The following PTPRT variants were observed in gnomAD, a reference collection of about 807,000 sequenced individuals.
PTPRT encodes protein tyrosine phosphatase receptor type T, also known as receptor-type tyrosine-protein phosphatase T.
PTPRT carries 56 observed loss-of-function variants against 176.8 expected under a neutral mutation model. The ratio of observed to expected loss-of-function variants is 0.32; its 90% confidence interval spans 0.26 to 0.40. The LOEUF is 0.40. PTPRT is among the 10% of genes least tolerant of loss of function. The pLI, the probability that PTPRT is intolerant of heterozygous loss-of-function variation, is 1.00. For synonymous variants in PTPRT, 783 were observed against 739.0 expected, an observed-to-expected ratio of 1.06 and a Z score of -0.96; for missense variants, 1,540 against 1,908.2, an observed-to-expected ratio of 0.81 and a Z score of 3.60.
intron 1 of PTPRT, among the ~76,000 whole-genome samples, chr20:43,071,490 A>G (rs1402482792): frequency 6.6e-6 from 1 of 152,150 alleles, no homozygotes; most frequent in East Asian, 1.9e-4. Context: ...CCAGTTCAAG[A>G]CAGGAAAGTT....
chr20:42,267,245 A>G (rs2056854853), intron 13 of PTPRT, among the ~76,000 whole-genome samples: 1 of 152,204 alleles, frequency 6.6e-6, no homozygotes, highest in East Asian at 1.9e-4. Context: ...ATTTTGCCCA[A>G]CTTCAGGCTA....
intron 1 of PTPRT, among the ~76,000 whole-genome samples, chr20:42,914,922 G>A (rs772859049): frequency 1.3e-5 from 2 of 151,678 alleles, no homozygotes; most frequent in Non-Finnish European, 2.9e-5. Flanking sequence ...CAATCTGTGT[G>A]AGGCAGGGGC....
intron 7 of PTPRT, among the ~76,000 whole-genome samples, chr20:42,599,151 G>T (rs1369409583): frequency 6.6e-6 from 1 of 152,144 alleles, no homozygotes; most frequent in Non-Finnish European, 1.5e-5. Context: ...AGGGAATAAT[G>T]GGAGTAAGTG....
At chr20:42,608,412 A>C (rs1398362117) in intron 7 of PTPRT, among the ~76,000 whole-genome samples, 1 of 152,216 alleles carries the variant, frequency 6.6e-6, no homozygotes, top group Non-Finnish European at 1.5e-5. Context: ...GAAAAGCACC[A>C]AAATCCCTCC....
At chr20:42,892,611 A>C (rs909895648) in intron 1 of PTPRT, among the ~76,000 whole-genome samples, 8 of 152,202 alleles carry the variant, frequency 5.3e-5, no homozygotes, top group South Asian at 2.1e-4. Flanking sequence ...CTGGAGATTA[A>C]GGTGATCTGC....
intron 2 of PTPRT, among the ~76,000 whole-genome samples, chr20:42,791,806 C>T (rs1480668836): frequency 7.9e-5 from 12 of 152,190 alleles, no homozygotes; most frequent in Non-Finnish European, 1.8e-4. Context: ...AAAAAGTTTC[C>T]TTGTAGGACG....
intron 7 of PTPRT, chr20:42,607,477 T>A (rs1164684171): frequency 2.0e-5 from 3 of 152,168 alleles, no homozygotes; most frequent in African/African-American, 7.2e-5. Context: ...GAATGACCAC[T>A]GGGACTGCAC....
chr20:42,621,932 C>T (rs2074204836), intron 7 of PTPRT, among the ~76,000 whole-genome samples: 1 of 152,004 alleles, frequency 6.6e-6, no homozygotes, highest in African/African-American at 2.4e-5. Flanking sequence ...ACCCCTTTGG[C>T]AGGGTTAAGA....
chr20:42,032,046 T>C, the PTPRT span, among the ~76,000 whole-genome samples: 2 of 152,120 alleles, frequency 1.3e-5, no homozygotes, highest in African/African-American at 4.8e-5. Context: ...AGACCTGGAA[T>C]TCTAACCCAT....
rs1046089601 is a variant in PTPRT at position 42,791,609 on chromosome 20, A to C, written c.215-143T>G. The C allele has an allele frequency of 7.4e-6, 6 of 815,584 alleles. No individual in the cohort carries two copies. In the Admixed American group the frequency reaches 1.2e-4, roughly 16 times the overall value. 50.5% of individuals were successfully genotyped at this position (815,584 alleles called of 1,614,324 possible). A position where few individuals can be genotyped will look rare whatever the true frequency, so the allele number is the denominator to read the frequency against. ...TCTAGAAGGGTCTGGGTGACCCTGC[A>C]AAAGCCACATCTCTCTGAGCCTGAG... On this transcript the variant is annotated intron_variant, in intron 2 of 30. Coordinates refer to ENST00000373187, the MANE Select transcript of PTPRT (RefSeq NM_007050.6).
the PTPRT span, among the ~76,000 whole-genome samples, chr20:42,048,725 G>C: frequency 2.0e-5 from 3 of 152,154 alleles, no homozygotes; most frequent in Non-Finnish European, 1.5e-5. Flanking sequence ...GCATGAAGGG[G>C]TATGACAAGT....
chr20:43,034,741 GAA>G (rs777953906), intron 1 of PTPRT, among the ~76,000 whole-genome samples: 2 of 151,880 alleles, frequency 1.3e-5, no homozygotes, highest in Non-Finnish European at 2.9e-5. Context: ...ACAGTAGAAT[GAA>G]AAAGTCCAAA....
At chr20:42,138,262 A>G (rs1568962720) in intron 18 of PTPRT, among the ~76,000 whole-genome samples, 2 of 152,212 alleles carry the variant, frequency 1.3e-5, no homozygotes, top group East Asian at 3.9e-4. Flanking sequence ...CAGCCAATGG[A>G]AAGCACAGGC....
chr20:42,486,134 C>T (rs938279229), intron 7 of PTPRT, among the ~76,000 whole-genome samples: 15 of 152,194 alleles, frequency 9.9e-5, no homozygotes, highest in African/African-American at 3.6e-4. Flanking sequence ...GGTTAAAATG[C>T]ACATGGTCTG....
At chr20:42,555,030 A>G (rs2072835863) in intron 7 of PTPRT, among the ~76,000 whole-genome samples, 1 of 152,170 alleles carries the variant, frequency 6.6e-6, no homozygotes, top group Admixed American at 6.5e-5. Context: ...TTATCCTAGT[A>G]TTTCATCTAC....
intron 12 of PTPRT, among the ~76,000 whole-genome samples, chr20:42,294,016 A>G (rs2057353507): frequency 6.6e-6 from 1 of 152,232 alleles, no homozygotes; most frequent in African/African-American, 2.4e-5. Context: ...TAATTAATGT[A>G]TAGAGAAGTC....
intron 7 of PTPRT, among the ~76,000 whole-genome samples, chr20:42,541,348 T>C (rs2145579115): frequency 1.3e-5 from 2 of 152,222 alleles, no homozygotes; most frequent in Middle Eastern, 3.4e-3. Context: ...ATACTTTACA[T>C]TTCAGTAAAT....
intron 22 of PTPRT, among the ~76,000 whole-genome samples, chr20:42,114,822 T>C (rs937603946): frequency 1.5e-4 from 23 of 152,310 alleles, no homozygotes; most frequent in Non-Finnish European, 2.9e-4. Flanking sequence ...CTGCCTGGGA[T>C]AGCTCTTCTT....
intron 22 of PTPRT, 53 bp from the exon 23 acceptor site, chr20:42,110,540 C>A (rs987668217): frequency 3.9e-6 from 6 of 1,530,962 alleles, no homozygotes; most frequent in Non-Finnish European, 5.3e-6. Flanking sequence ...GCATACCCAG[C>A]CCAGCAACAC....
Sources: gnomAD v4.1 joint callset for allele counts (sites outside exome capture counted in the v4.1 genomes callset) on GRCh38, gnomAD v4.1.1 for gene constraint, MANE v1.5 for transcripts, NCBI Gene and HGNC (gene_info 2026-07-23, HGNC 2026-07-21) for gene names.